Variants in NUP98 observed in about 807,000 individuals in gnomAD.
NUP98 encodes nuclear pore complex protein Nup98-Nup96.
In NUP98, 26 loss-of-function variants were observed where a neutral mutation model predicts 191.9. The ratio of observed to expected loss-of-function variants is 0.14; its 90% CI spans 0.10 to 0.19. The LOEUF is 0.19. NUP98 is among the 10% of genes least tolerant of loss of function. The pLI, the probability that NUP98 is intolerant of heterozygous loss-of-function variation, is 1.00. For missense variants in NUP98, 1,941 were observed against 2,178.8 expected (o/e 0.89, Z 2.17); for synonymous variants, 808 against 778.4 (o/e 1.04, Z -0.63).
intron 18 of NUP98, among the ~76,000 whole-genome samples, chr11:3,715,636 A>G (rs896746320): frequency 3.3e-5 from 5 of 152,108 alleles, no homozygotes; most frequent in African/African-American, 1.2e-4. Context: ...CCGCTCAGGC[A>G]GGAGAGAAGT....
At chr11:3,685,945 C>A in intron 29 of NUP98, 28 bp downstream of exon 29, 1 of 1,573,338 alleles carries the variant, frequency 6.4e-7, no homozygotes, top group Non-Finnish European at 8.7e-7. Flanking sequence ...CTAGATGTAC[C>A]CAGTGGGTTC....
At chr11:3,732,437 C>T (rs1010918776) in intron 13 of NUP98, among the ~76,000 whole-genome samples, 2 of 152,112 alleles carry the variant, frequency 1.3e-5, no homozygotes, top group Non-Finnish European at 2.9e-5. Context: ...AAGCCATAGA[C>T]ATTACTTTTC....
chr11:3,683,538 T>C, intron 29 of NUP98, 97 bp from the exon 30 acceptor site: 1 of 1,231,948 alleles, frequency 8.1e-7, no homozygotes, highest in Non-Finnish European at 1.1e-6. Context: ...TCTCTTAAAC[T>C]GCAGGTCTTT....
At chr11:3,765,425 T>G (rs1281332859) in intron 8 of NUP98, among the ~76,000 whole-genome samples, 2 of 152,230 alleles carry the variant, frequency 1.3e-5, no homozygotes, top group African/African-American at 2.4e-5. Context: ...GCTTTTGCTT[T>G]TGGTGTCCTA....
chr11:3,722,531 A>G (rs1341014075), intron 16 of NUP98, among the ~76,000 whole-genome samples: 2 of 152,126 alleles, frequency 1.3e-5, no homozygotes, highest in East Asian at 1.9e-4. Flanking sequence ...GAATACCACA[A>G]AACACCCAAA....
intron 14 of NUP98, among the ~76,000 whole-genome samples, chr11:3,728,501 C>T (rs370477989): frequency 2.2e-4 from 34 of 152,188 alleles, no homozygotes; most frequent in East Asian, 9.7e-4. Flanking sequence ...TTTGGAAGGC[C>T]GAGGCAGGCA....
At chr11:3,679,258 A>G (rs2077915514) in intron 31 of NUP98, among the ~76,000 whole-genome samples, 1 of 152,172 alleles carries the variant, frequency 6.6e-6, no homozygotes, top group East Asian at 1.9e-4. Context: ...TTTATCTCTC[A>G]TCTTTGGGCT....
At chr11:3,700,959 T>A in intron 23 of NUP98, 120 bp from the exon 24 acceptor site, 2 of 715,380 alleles carry the variant, frequency 2.8e-6, no homozygotes, top group Non-Finnish European at 4.6e-6. Flanking sequence ...CATTTCACTG[T>A]AGTTTTAAAG....
intron 25 of NUP98, chr11:3,697,051 A>G (rs577316527): frequency 4.6e-5 from 7 of 152,202 alleles, no homozygotes; most frequent in East Asian, 3.9e-4. Context: ...ATGATTCATA[A>G]TAAGTTCATA....
chr11:3,684,766 CAAAAAAAAAAAAAAAAAAAAAA>C (rs71041370), intron 29 of NUP98, among the ~76,000 whole-genome samples: 1 of 101,812 alleles, frequency 9.8e-6, no homozygotes, highest in Admixed American at 1.0e-4. Flanking sequence ...TTTCACAGGC[CAAAAAAAAAAAAAAAAAAAAAA>C]AAAAAAAAAA....
chr11:3,797,227 C>G (rs1002104189), intron 1 of NUP98, among the ~76,000 whole-genome samples, 173 bp downstream of exon 1: 1 of 152,206 alleles, frequency 6.6e-6, no homozygotes, highest in South Asian at 2.1e-4. Context: ...CCGGGCCTCC[C>G]GGGCTCCGGG....
At chr11:3,739,272 C>G (rs2080188089) in intron 12 of NUP98, among the ~76,000 whole-genome samples, 1 of 151,754 alleles carries the variant, frequency 6.6e-6, no homozygotes, top group African/African-American at 2.4e-5. Flanking sequence ...TTTTTTGAGA[C>G]AGAGTCTTGC....
Position 3,702,454 on chromosome 11 carries a change from G to A in NUP98, c.3512+9C>T, listed in dbSNP as rs370605349. Reference sequence around the variant, plus strand: ...CCTTTCTCAAAAAGCATCAAGAAATGTGACTCACGGTTTAACAGCTACTGG... The same window carrying A: ...CCTTTCTCAAAAAGCATCAAGAAATATGACTCACGGTTTAACAGCTACTGG... On this transcript the variant is annotated intron_variant, in intron 23 of 32. Transcript: ENST00000324932. The A allele has an allele frequency of 2.7e-5, 44 of 1,607,006 alleles. No homozygotes were observed. Among genetic ancestry groups the A allele is most frequent in the African/African-American group, 5.4e-5 (4 of 74,456 alleles).
In NUP98 at chr11:3,723,161, T is replaced by C; in HGVS notation, c.2142A>G (p.Pro714=). ...EIENNSYHMH[P]AGIILTKVGY... Reference sequence around the variant, plus strand: ...ATGCACCAATCTGAACCTGACCTGCTGGGTGCATATGGTAAGAATTATTTT... The same window carrying C: ...ATGCACCAATCTGAACCTGACCTGCCGGGTGCATATGGTAAGAATTATTTT... The change falls in exon 16 of 33, where the codon CCA becomes CCG. Residue 714 remains proline (P), a synonymous_variant. Coordinates refer to ENST00000324932, the MANE Select transcript of NUP98 (RefSeq NM_016320.5). 2 of 1,613,876 alleles carry C rather than the reference T, an allele frequency of 1.2e-6. No individual in the cohort carries two copies. Among genetic ancestry groups the C allele is most frequent in the South Asian group, 2.2e-5 (2 of 91,056 alleles).
chr11:3,740,203 AG>A (rs2080229521), intron 12 of NUP98, among the ~76,000 whole-genome samples: 1 of 152,062 alleles, frequency 6.6e-6, no homozygotes, highest in Non-Finnish European at 1.5e-5. Context: ...GAAAACAGGA[AG>A]AGGAAAGAAT....
Position 3,760,596 on chromosome 11 carries a change from A to C in NUP98, c.1117T>G (p.Phe373Val). The change falls in exon 10 of 33, where the codon TTT (phenylalanine) becomes GTT (valine). Residue 373 changes from phenylalanine to valine, a missense_variant. Physicochemically the swap from Phe to Val is conservative, Grantham distance 50. This residue lies in a region of NUP98 where 181 missense variants were observed against 228.0 expected (regional missense o/e 0.79). Transcript: ENST00000324932. ...TLFGNNKLTT[F>V]GSSTTSAPSF... Reference sequence around the variant, plus strand: ...GGTGCACTGGTTGTGCTGCTTCCAAATGTAGTAAGCTTGTTATTGCCAAAC... The same window carrying C: ...GGTGCACTGGTTGTGCTGCTTCCAACTGTAGTAAGCTTGTTATTGCCAAAC... 1.2e-6 allele frequency: 2 copies of C among 1,613,818 alleles called. No individual in the cohort carries two copies. Among genetic ancestry groups the C allele is most frequent in the Non-Finnish European group, 1.7e-6 (2 of 1,179,850 alleles).
intron 13 of NUP98, among the ~76,000 whole-genome samples, chr11:3,734,231 T>A (rs2079959818): frequency 1.3e-5 from 2 of 152,166 alleles, no homozygotes; most frequent in African/African-American, 4.8e-5. Context: ...AGACGGGGTT[T>A]CACCGTGTTG....
chr11:3,726,033 A>C (rs1242245883), intron 14 of NUP98, among the ~76,000 whole-genome samples: 1 of 152,140 alleles, frequency 6.6e-6, no homozygotes, highest in Non-Finnish European at 1.5e-5. Context: ...GGCTGGTCTA[A>C]CTTAGCCTAA....
chr11:3,726,758 C>A (rs1003910192), intron 14 of NUP98, among the ~76,000 whole-genome samples: 1 of 151,744 alleles, frequency 6.6e-6, no homozygotes, highest in African/African-American at 2.4e-5. Flanking sequence ...CTGATGTTAC[C>A]ATCAGATTAG....
Sources: gnomAD v4.1 joint callset for allele counts (sites outside exome capture counted in the v4.1 genomes callset) on GRCh38, gnomAD v4.1.1 for gene constraint, gnomAD v4.1.1 regional missense constraint, MANE v1.5 for transcripts, NCBI Gene and HGNC (gene_info 2026-07-23, HGNC 2026-07-21) for gene names.